Variants in PCDHGA10 observed in about 807,000 individuals in gnomAD.
The protein encoded by PCDHGA10 is protocadherin gamma subfamily A, 10.
A neutral mutation model predicts 59.5 loss-of-function variants in PCDHGA10; 42 were observed. That is an observed-to-expected ratio of 0.71 (90% CI 0.55 to 0.91). The LOEUF (loss-of-function observed/expected upper bound fraction) is 0.91, where lower values mean the gene tolerates loss of function less well. Among genes scored for constraint, PCDHGA10 ranks in the 40% least tolerant of loss-of-function variants. The pLI, the probability that PCDHGA10 is intolerant of heterozygous loss-of-function variation, is 0.00. For synonymous variants in PCDHGA10, 511 were observed against 517.2 expected, an observed-to-expected ratio of 0.99 and a Z score of 0.16; for missense variants, 1,111 against 1,198.2, an observed-to-expected ratio of 0.93 and a Z score of 1.07.
rs1562052190 is a variant in PCDHGA10, at chr5:141,476,218, CTA to C, written c.2437-18587_2437-18586del. The C allele has an allele frequency of 6.2e-7, 1 of 1,613,984 alleles. No individual in the cohort carries two copies. The highest frequency in any genetic ancestry group is 8.5e-7 in the Non-Finnish European group (1 of 1,180,024). ...TGAACAAGGCTTCCACGGTCATTCA[CTA>C]TGAGATCCCGGAGGAAAGAGAGAAG... On this transcript the variant is annotated intron_variant, in intron 1 of 3. Coordinates refer to ENST00000398610, the MANE Select transcript of PCDHGA10 (RefSeq NM_018913.3). This position sits in a 1 kb window ranked among gnomAD's most constrained non-coding sequence, Gnocchi z 7.6.
Position 141,485,060 on chromosome 5 carries a change from G to T in PCDHGA10, c.2437-9747G>T. The T allele has an allele frequency of 1.2e-6, 1 of 862,304 alleles. No individual in the cohort carries two copies. 53.4% of individuals were successfully genotyped at this position (862,304 alleles called of 1,614,324 possible). ...ACCCTTGCGGCGCCGGCCGAACCGC[G>T]CCAGAGCTGGCGCGGGGAAAGGGAG... On this transcript the variant is annotated intron_variant, in intron 1 of 3. Coordinates refer to ENST00000398610, the MANE Select transcript of PCDHGA10 (RefSeq NM_018913.3). The surrounding 1 kb of genome is among the most constrained non-coding windows in gnomAD (Gnocchi z 5.7).
chr5:141,427,428 T>A (rs1489623330), intron 1 of PCDHGA10: 1 of 470,472 alleles, frequency 2.1e-6, no homozygotes. Context: ...GGAGGTTACA[T>A]GCCTCATAAA....
chr5:141,509,303 G>A (rs911736752), intron 3 of PCDHGA10, among the ~76,000 whole-genome samples: 1 of 152,210 alleles, frequency 6.6e-6, no homozygotes, highest in Admixed American at 6.5e-5. Context: ...GGAGGCAGAG[G>A]GAGGCTGGGA....
chr5:141,413,532 A>C lies in PCDHGA10; in HGVS notation c.357A>C (p.Lys119Asn), dbSNP rs1269070438. 9.9e-6 allele frequency: 16 copies of C among 1,613,788 alleles called. No individual in the cohort carries two copies. Among genetic ancestry groups the C allele is most frequent in the Non-Finnish European group, 1.2e-5 (14 of 1,179,914 alleles). ...SFNILVEDRV[K>N]LFGIEIEVTD... ...ATATCCTTGTGGAAGACAGGGTGAA[A>C]CTTTTTGGGATAGAAATAGAAGTAA... The change falls in exon 1 of 4, where the codon AAA (lysine) becomes AAC (asparagine). Residue 119 changes from lysine (K) to asparagine (N), a missense_variant. Transcript: ENST00000398610.
At position 141,477,505 on chromosome 5, in the gene PCDHGA10, C is replaced by T. The variant is rs2099412175; in HGVS notation, c.2437-17302C>T. The T allele has an allele frequency of 5.0e-6, 8 of 1,614,126 alleles. No individual in the cohort carries two copies. Among genetic ancestry groups the T allele is most frequent in the Admixed American group, 1.7e-5 (1 of 60,024 alleles). On this transcript the variant is annotated intron_variant, in intron 1 of 3. Transcript: ENST00000398610. This position sits in a 1 kb window ranked among gnomAD's most constrained non-coding sequence, Gnocchi z 4.9. ...CACAATCTTCTCAATCTTCCTACGACGTTTACATTGAAGAAAACAACCTCC... is the reference window on the plus strand; with the variant it reads ...CACAATCTTCTCAATCTTCCTACGATGTTTACATTGAAGAAAACAACCTCC...
In PCDHGA10 at chr5:141,511,216, C is replaced by A. The variant is rs374915167; in HGVS notation, c.*43C>A. On this transcript the variant is annotated 3_prime_UTR_variant, in exon 4 of 4. Coordinates refer to ENST00000398610, the MANE Select transcript of PCDHGA10 (RefSeq NM_018913.3). Reference sequence around the variant, plus strand: ...GAGCCACAGGGCGGCCTCTCCCCAACCAGCCCAGCTTCTCCTTACCTGCAC... The same window carrying A: ...GAGCCACAGGGCGGCCTCTCCCCAAACAGCCCAGCTTCTCCTTACCTGCAC... The A allele has an allele frequency of 6.2e-7, 1 of 1,608,004 alleles. No homozygotes were observed. The highest frequency in any genetic ancestry group is 1.3e-5 in the African/African-American group (1 of 74,736).
At chr5:141,503,178 T>C (rs988629461) in intron 2 of PCDHGA10, among the ~76,000 whole-genome samples, 56 of 151,998 alleles carry the variant, frequency 3.7e-4, no homozygotes, top group African/African-American at 1.3e-3. Flanking sequence ...TACTCTATTG[T>C]GTAATTATTT....
In PCDHGA10 at chr5:141,491,632, C is replaced by T; in HGVS notation, c.2437-3175C>T. On this transcript the variant is annotated intron_variant, in intron 1 of 3. Transcript: ENST00000398610. This position sits in a 1 kb window ranked among gnomAD's most constrained non-coding sequence, Gnocchi z 6.9. ...TCTAAGACCCCTCAGCGTTCAGCAG[C>T]CCACAGCTCTGGCGCTGGAGCCTGA... 1.2e-6 allele frequency: 2 copies of T among 1,613,886 alleles called. No individual in the cohort carries two copies. The highest frequency in any genetic ancestry group is 1.7e-6 in the Non-Finnish European group (2 of 1,179,994).
At chr5:141,430,581 C>A in intron 1 of PCDHGA10, 1 of 483,436 alleles carries the variant, frequency 2.1e-6, no homozygotes, top group Non-Finnish European at 3.4e-6. Context: ...GGAGATCCTG[C>A]TCGCCTTGCA....
intron 1 of PCDHGA10, among the ~76,000 whole-genome samples, chr5:141,482,940 G>T (rs1245833250): frequency 6.6e-6 from 1 of 152,026 alleles, no homozygotes; most frequent in East Asian, 1.9e-4. Context: ...AGGTGTGGTT[G>T]TGGGTGCCTG....
Position 141,432,388 on chromosome 5 carries a change from C to T in PCDHGA10, c.2436+16777C>T. The T allele has an allele frequency of 6.2e-7, 1 of 1,614,258 alleles. No homozygotes were observed. The highest frequency in any genetic ancestry group is 2.2e-5 in the East Asian group (1 of 44,892). The stretch of plus-strand genomic sequence containing the variant: ...GGGACAACGGGCACCCGCCCCTCAG[C>T]AGCAACGTGTCGTTGAGCCTGTTCG... On this transcript the variant is annotated intron_variant, in intron 1 of 3. Transcript: ENST00000398610. This position sits in a 1 kb window ranked among gnomAD's most constrained non-coding sequence, Gnocchi z 6.0.
Position 141,486,617 on chromosome 5 carries a change from C to G in PCDHGA10, c.2437-8190C>G. ...GCTTTGCTCCCTTGCAGCCTCTGAC[C>G]CAGACTCTGGCTTGAATGCGCTTAT... On this transcript the variant is annotated intron_variant, in intron 1 of 3. Transcript: ENST00000398610. This position sits in a 1 kb window ranked among gnomAD's most constrained non-coding sequence, Gnocchi z 5.0. 1 of 1,613,602 alleles carries G rather than the reference C, an allele frequency of 6.2e-7. No homozygotes were observed. Among genetic ancestry groups the G allele is most frequent in the South Asian group, 1.1e-5 (1 of 91,086 alleles).
chr5:141,468,274 G>A (rs1461428449), intron 1 of PCDHGA10, among the ~76,000 whole-genome samples: 1 of 144,906 alleles, frequency 6.9e-6, no homozygotes, highest in Non-Finnish European at 1.5e-5. Flanking sequence ...GTGGTGAGCC[G>A]AGACCACGCC....
At position 141,487,075 on chromosome 5, in the gene PCDHGA10, C is replaced by T. The variant is rs755563146; in HGVS notation, c.2437-7732C>T. The T allele has an allele frequency of 1.9e-6, 3 of 1,614,116 alleles. No individual in the cohort carries two copies. The highest frequency in any genetic ancestry group is 2.5e-6 in the Non-Finnish European group (3 of 1,179,982). ...GGGAGGTGCGGACGGCTGTTCCTATCCCAGCTGACCTCCCACCACAGAAGC... is the reference window on the plus strand; with the variant it reads ...GGGAGGTGCGGACGGCTGTTCCTATTCCAGCTGACCTCCCACCACAGAAGC... On this transcript the variant is annotated intron_variant, in intron 1 of 3. Transcript: ENST00000398610. This position sits in a 1 kb window ranked among gnomAD's most constrained non-coding sequence, Gnocchi z 5.0.
In PCDHGA10 at chr5:141,415,386, A is replaced by G. The variant is rs1383734863; in HGVS notation, c.2211A>G (p.Thr737=). The part of the protein sequence containing the change: ...RLLQASGGGL[T]GVSGSHFVGV... ...TGCAGGCTTCAGGAGGCGGCTTGAC[A>G]GGTGTGTCCGGCTCGCACTTTGTGG... The change falls in exon 1 of 4, where the codon ACA becomes ACG. Residue 737 remains threonine (T), a synonymous_variant. Coordinates refer to ENST00000398610, the MANE Select transcript of PCDHGA10 (RefSeq NM_018913.3). 5.6e-6 allele frequency: 9 copies of G among 1,614,156 alleles called. No individual in the cohort carries two copies. The highest frequency in any genetic ancestry group is 7.6e-6 in the Non-Finnish European group (9 of 1,180,026).
chr5:141,492,503 A>G (rs1341352458), intron 1 of PCDHGA10, among the ~76,000 whole-genome samples: 1 of 151,188 alleles, frequency 6.6e-6, no homozygotes, highest in Non-Finnish European at 1.5e-5. Context: ...AGGACTCCGG[A>G]GCCTCCTCTC....
chr5:141,442,119 C>T (rs563017984), intron 1 of PCDHGA10: 1 of 166,262 alleles, frequency 6.0e-6, no homozygotes, highest in African/African-American at 2.4e-5. Context: ...CCCCTCGTCG[C>T]CGACAGCCTG....
rs773688197 is a variant in PCDHGA10, at chr5:141,432,412, C to T, written c.2436+16801C>T. On this transcript the variant is annotated intron_variant, in intron 1 of 3. Transcript: ENST00000398610. This position sits in a 1 kb window ranked among gnomAD's most constrained non-coding sequence, Gnocchi z 6.0. ...GCAGCAACGTGTCGTTGAGCCTGTT[C>T]GTGCTGGACCAGAACGACAATGCGC... 5 of 1,614,128 alleles carry T rather than the reference C, an allele frequency of 3.1e-6. No individual in the cohort carries two copies. The highest frequency in any genetic ancestry group is 4.5e-5 in the East Asian group (2 of 44,894).
chr5:141,480,137 A>G (rs1183663599), intron 1 of PCDHGA10, among the ~76,000 whole-genome samples: 2 of 152,096 alleles, frequency 1.3e-5, no homozygotes, highest in Non-Finnish European at 2.9e-5. Context: ...CTGTTAAACA[A>G]TTATTAGCCA....
Sources: allele counts gnomAD v4.1 joint callset (sites outside exome capture counted in the v4.1 genomes callset), GRCh38; gene constraint gnomAD v4.1.1; non-coding constraint Gnocchi (gnomAD v3.1); transcripts MANE v1.5; gene names NCBI Gene and HGNC (gene_info 2026-07-23, HGNC 2026-07-21).